The following ZSWIM2 variants were observed in gnomAD, a reference collection of about 807,000 sequenced individuals.
ZSWIM2 encodes E3 ubiquitin-protein ligase ZSWIM2.
A neutral mutation model predicts 48.4 loss-of-function variants in ZSWIM2; 38 were observed. The observed-to-expected ratio is 0.79, with a 90% CI of 0.61 to 1.03. The LOEUF is 1.03. Ranked by LOEUF, ZSWIM2 falls within the 50% of genes least tolerant of loss-of-function variation. ZSWIM2 has a pLI of 0.00. For synonymous variants in ZSWIM2, 240 were observed against 251.3 expected (o/e 0.96, Z 0.42); for missense variants, 776 against 730.2 (o/e 1.06, Z -0.72).
intron 1 of ZSWIM2, among the ~76,000 whole-genome samples, chr2:186,848,418 C>T (rs1051110340): frequency 1.3e-5 from 2 of 152,140 alleles, no homozygotes; most frequent in Non-Finnish European, 2.9e-5. Flanking sequence ...ATGGGATATG[C>T]AATTATGAAA....
chr2:186,839,603 G>C (rs867019502), intron 3 of ZSWIM2, among the ~76,000 whole-genome samples: 1 of 151,744 alleles, frequency 6.6e-6, no homozygotes, highest in Non-Finnish European at 1.5e-5. Flanking sequence ...AGATGAATAA[G>C]TGAATTAAAT....
In ZSWIM2 at chr2:186,837,398, T is replaced by C. The variant is rs771076974; in HGVS notation, c.651A>G (p.Leu217=). ...ILEEFKNSSK[L]VAAAEKERLD... is the part of the protein sequence containing the mutation. ...GTCTCTCTTTTTCTGCTGCAGCTAC[T>C]AGTTTGCTAGAGTTTTTGAATTCCT... The change falls in exon 5 of 9, where the codon CTA becomes CTG. Residue 217 remains leucine (L), a synonymous_variant. Transcript: ENST00000295131. 12 of 1,612,922 alleles carry C rather than the reference T, an allele frequency of 7.4e-6. No homozygotes were observed. The highest frequency in any genetic ancestry group is 4.0e-5 in the African/African-American group (3 of 74,844).
rs553927408 is a variant in ZSWIM2 at position 186,838,662 on chromosome 2, C to T, written c.494+297G>A. On this transcript the variant is annotated intron_variant, in intron 4 of 8. Coordinates refer to ENST00000295131, the MANE Select transcript of ZSWIM2 (RefSeq NM_182521.3). The stretch of plus-strand genomic sequence containing the variant: ...ATTTAGCTCAAAACATATATATACA[C>T]ACACATATATATGTTGCTTCCTAAC... Among the ~76,000 whole-genome samples the T allele has an allele frequency of 2.6e-3, 386 of 146,984 alleles. 4 individuals carry two copies. The highest frequency in any genetic ancestry group is 4.6e-3 in the Non-Finnish European group (306 of 66,778).
chr2:186,837,024 G>C (rs1691805691), intron 5 of ZSWIM2, among the ~76,000 whole-genome samples: 2 of 152,060 alleles, frequency 1.3e-5, no homozygotes, highest in Non-Finnish European at 2.9e-5. Flanking sequence ...CACCTATCCT[G>C]TGTCCAGAGC....
At chr2:186,831,490 C>T (rs1691698724) in intron 7 of ZSWIM2, among the ~76,000 whole-genome samples, 1 of 151,936 alleles carries the variant, frequency 6.6e-6, no homozygotes, top group Non-Finnish European at 1.5e-5. Flanking sequence ...TTATCCCATG[C>T]TTAAAAAGTC....
intron 6 of ZSWIM2, among the ~76,000 whole-genome samples, chr2:186,833,653 T>G (rs1199649205): frequency 6.6e-6 from 1 of 152,186 alleles, no homozygotes; most frequent in Non-Finnish European, 1.5e-5. Flanking sequence ...GTTGAGAGCT[T>G]TTTAAAAACT....
At chr2:186,837,628 A>T (rs375135437) in intron 4 of ZSWIM2, 74 bp from the exon 5 acceptor site, 4 of 360,570 alleles carry the variant, frequency 1.1e-5, no homozygotes, top group South Asian at 2.2e-4. Context: ...ATATATATAT[A>T]TTATATATAT....
chr2:186,843,558 T>C (rs1164381224), intron 3 of ZSWIM2, among the ~76,000 whole-genome samples: 1 of 151,528 alleles, frequency 6.6e-6, no homozygotes, highest in Admixed American at 6.6e-5. Flanking sequence ...GGTAGATACA[T>C]GGCAGAAGAG....
Position 186,849,126 on chromosome 2 carries a change from A to G in ZSWIM2, c.5T>C (p.Leu2Pro). The change falls in exon 1 of 9, where the codon CTT (leucine) becomes CCT (proline). Residue 2 changes from leucine to proline, a missense_variant. Transcript: ENST00000295131. Reference protein sequence around the residue: MLRRGYKASERR... With the variant: MPRRGYKASERR... Reference sequence around the variant, plus strand: ...TTCAGAGGCCTTATAGCCTCGGCGAAGCATGCTGGGTGCGGGCGGAGGCGG... The same window carrying G: ...TTCAGAGGCCTTATAGCCTCGGCGAGGCATGCTGGGTGCGGGCGGAGGCGG... The G allele has an allele frequency of 6.2e-7, 1 of 1,608,980 alleles. No individual in the cohort carries two copies. The highest frequency in any genetic ancestry group is 1.3e-5 in the African/African-American group (1 of 74,906).
At chr2:186,846,649 A>G (rs1559116990) in intron 2 of ZSWIM2, among the ~76,000 whole-genome samples, 1 of 151,898 alleles carries the variant, frequency 6.6e-6, no homozygotes, top group South Asian at 2.1e-4. Context: ...ACTGGGCAAG[A>G]AATCATTATA....
At position 186,833,518 on chromosome 2, in the gene ZSWIM2, G is replaced by A. The variant is rs995048488; in HGVS notation, c.829-286C>T. The stretch of plus-strand genomic sequence containing the variant: ...GTAGTGTTATTATTCAGCATCAGGA[G>A]ATACTTTTTAAGTGTACGGTTTAAA... On this transcript the variant is annotated intron_variant, in intron 6 of 8. Transcript: ENST00000295131. Among the ~76,000 whole-genome samples the A allele has an allele frequency of 5.3e-5, 8 of 152,164 alleles. No homozygotes were observed. In the South Asian group the frequency reaches 1.2e-3, roughly 24 times the overall value.
At chr2:186,840,599 A>C (rs1691887332) in intron 3 of ZSWIM2, among the ~76,000 whole-genome samples, 1 of 151,518 alleles carries the variant, frequency 6.6e-6, no homozygotes, top group South Asian at 2.1e-4. Context: ...ACTGGGTGGC[A>C]ATATGGAGAA....
chr2:186,847,323 A>C (rs1331097391), intron 2 of ZSWIM2, among the ~76,000 whole-genome samples: 1 of 152,102 alleles, frequency 6.6e-6, no homozygotes, highest in Non-Finnish European at 1.5e-5. Context: ...AGAAAATGGA[A>C]CATTTGATAT....
intron 3 of ZSWIM2, among the ~76,000 whole-genome samples, chr2:186,840,491 C>G (rs1222665296): frequency 3.3e-5 from 5 of 151,464 alleles, no homozygotes; most frequent in African/African-American, 1.2e-4. Context: ...ATGTGTTGTA[C>G]AAGTAATAAA....
At chr2:186,831,379 T>C (rs796371663) in intron 7 of ZSWIM2, among the ~76,000 whole-genome samples, 11 of 146,346 alleles carry the variant, frequency 7.5e-5, no homozygotes, top group African/African-American at 3.0e-4. Context: ...AGGTGTATTA[T>C]AGGCATGTGT....
chr2:186,840,197 C>T (rs779214858), intron 3 of ZSWIM2, among the ~76,000 whole-genome samples: 20 of 151,416 alleles, frequency 1.3e-4, no homozygotes, highest in Non-Finnish European at 2.2e-4. Context: ...GGCTATTTGT[C>T]ACAAAGACAC....
chr2:186,848,874 T>G, intron 1 of ZSWIM2, 92 bp downstream of exon 1: 2 of 1,526,554 alleles, frequency 1.3e-6, no homozygotes, highest in Non-Finnish European at 9.0e-7. Flanking sequence ...CCGCAGAGAT[T>G]GTGATGGTGG....
chr2:186,828,069 C>G lies in ZSWIM2; in HGVS notation c.1817G>C (p.Ser606Thr). ...AGACACAGGCTGTCTTGATAGATGA[C>G]TACATTTTCGTGTAATTTCCCCCAT... ...NCMGEITRKC[S>T]HLSRQPVSHS... The change falls in exon 9 of 9, where the codon AGT becomes ACT. Residue 606 changes from serine (S) to threonine (T), a missense_variant. By Grantham distance (58) the Ser-to-Thr change is moderately conservative. Transcript: ENST00000295131. 1 of 1,613,292 alleles carries G rather than the reference C, an allele frequency of 6.2e-7. No individual in the cohort carries two copies. Among genetic ancestry groups the G allele is most frequent in the Non-Finnish European group, 8.5e-7 (1 of 1,179,630 alleles).
intron 7 of ZSWIM2, among the ~76,000 whole-genome samples, chr2:186,832,364 C>T (rs1301242330): frequency 6.6e-6 from 1 of 152,036 alleles, no homozygotes; most frequent in Non-Finnish European, 1.5e-5. Context: ...TCAGGTGATC[C>T]ACCTGCCTTG....
Sources: allele counts gnomAD v4.1 joint callset (sites outside exome capture counted in the v4.1 genomes callset), GRCh38; gene constraint gnomAD v4.1.1; transcripts MANE v1.5; gene names NCBI Gene and HGNC (gene_info 2026-07-23, HGNC 2026-07-21).